TOM1L1: variants seen among roughly 807,000 people sequenced by gnomAD.
The protein encoded by TOM1L1 is TOM1-like protein 1.
A neutral mutation model predicts 63.4 loss-of-function variants in TOM1L1; 64 were observed. That is an observed-to-expected ratio of 1.01 (90% CI 0.83 to 1.24). The LOEUF (loss-of-function observed/expected upper bound fraction) is 1.24, where lower values mean the gene tolerates loss of function less well. Ranked by LOEUF, TOM1L1 falls within the 50% of genes most tolerant of loss-of-function variation. The pLI, the probability that TOM1L1 is intolerant of heterozygous loss-of-function variation, is 0.00. For synonymous variants in TOM1L1, 166 were observed against 194.4 expected, an observed-to-expected ratio of 0.85 and a Z score of 1.22; for missense variants, 536 against 567.0, an observed-to-expected ratio of 0.95 and a Z score of 0.55.
chr17:54,937,411 G>A, intron 10 of TOM1L1, 185 bp downstream of exon 10: 1 of 573,876 alleles, frequency 1.7e-6, no homozygotes, highest in Non-Finnish European at 3.1e-6. Context: ...GCAATGGGAT[G>A]TGTCTGGGCG....
intron 7 of TOM1L1, among the ~76,000 whole-genome samples, chr17:54,919,978 T>TTTTA (rs1338300753): frequency 7.4e-4 from 108 of 145,450 alleles, no homozygotes; most frequent in African/African-American, 2.1e-3. Flanking sequence ...GGTTTTGGTT[T>TTTTA]TTTATTGATT....
chr17:54,923,586 C>T (rs894608386), intron 7 of TOM1L1, among the ~76,000 whole-genome samples: 1 of 151,764 alleles, frequency 6.6e-6, no homozygotes, highest in African/African-American at 2.4e-5. Flanking sequence ...TGCTCTGTCA[C>T]CCAGGCTGGA....
chr17:54,934,263 CT>C (rs1400283017), intron 8 of TOM1L1, among the ~76,000 whole-genome samples: 1 of 152,156 alleles, frequency 6.6e-6, no homozygotes, highest in Non-Finnish European at 1.5e-5. Context: ...AGCTTTTTAT[CT>C]TTGTAGCTAT....
chr17:54,901,056 TC>T, intron 1 of TOM1L1, 133 bp downstream of exon 1: 1 of 1,251,650 alleles, frequency 8.0e-7, no homozygotes, highest in Non-Finnish European at 1.1e-6. Context: ...CCCGCAACTT[TC>T]CCAAGGCACC....
rs2077118174 is a variant in TOM1L1, at chr17:54,961,287, A to C, written c.*54A>C. 1.9e-6 allele frequency: 3 copies of C among 1,551,532 alleles called. No homozygotes were observed. The highest frequency in any genetic ancestry group is 2.6e-6 in the Non-Finnish European group (3 of 1,146,890). On this transcript the variant is annotated 3_prime_UTR_variant, in exon 16 of 16. Coordinates refer to ENST00000575882, the MANE Select transcript of TOM1L1 (RefSeq NM_005486.3). ...ACATCAAAGGTGCCAACTCTCTAAA[A>C]CGTAGACTCTGTGCAGCTTTGAAGC...
chr17:54,946,067 C>G (rs890306463), intron 11 of TOM1L1, among the ~76,000 whole-genome samples: 2 of 152,114 alleles, frequency 1.3e-5, no homozygotes, highest in African/African-American at 4.8e-5. Context: ...TTTTAGCCTT[C>G]TTCTATGGGC....
In TOM1L1 at chr17:54,961,255, C is replaced by A; in HGVS notation, c.*22C>A. 1 of 1,549,498 alleles carries A rather than the reference C, an allele frequency of 6.5e-7. No individual in the cohort carries two copies. Among genetic ancestry groups the A allele is most frequent in the South Asian group, 1.2e-5 (1 of 84,020 alleles). ...TTTAGAAGAAAGTGGATGATCAGCTCACTACCACATCAAAGGTGCCAACTC... is the reference window on the plus strand; with the variant it reads ...TTTAGAAGAAAGTGGATGATCAGCTAACTACCACATCAAAGGTGCCAACTC... On this transcript the variant is annotated 3_prime_UTR_variant, in exon 16 of 16. Coordinates refer to ENST00000575882, the MANE Select transcript of TOM1L1 (RefSeq NM_005486.3).
chr17:54,944,116 T>C (rs2049078695), intron 11 of TOM1L1, among the ~76,000 whole-genome samples: 1 of 152,106 alleles, frequency 6.6e-6, no homozygotes, highest in African/African-American at 2.4e-5. Flanking sequence ...CAGATGATGC[T>C]GTAATTTTTG....
intron 8 of TOM1L1, among the ~76,000 whole-genome samples, chr17:54,931,068 T>G (rs1175862003): frequency 6.6e-6 from 1 of 151,810 alleles, no homozygotes; most frequent in Non-Finnish European, 1.5e-5. Context: ...AATGACATGT[T>G]AAGACACCCT....
chr17:54,954,213 T>C (rs1335909489), intron 14 of TOM1L1: 1 of 152,214 alleles, frequency 6.6e-6, no homozygotes, highest in East Asian at 1.9e-4. Flanking sequence ...GTGAGCAGGG[T>C]TGCTGTTACG....
In TOM1L1 at chr17:54,961,397, G is replaced by GATA. The variant is rs2077121753; in HGVS notation, c.*166_*168dup. On this transcript the variant is annotated 3_prime_UTR_variant, in exon 16 of 16. Coordinates refer to ENST00000575882, the MANE Select transcript of TOM1L1 (RefSeq NM_005486.3). ...AGATTAAATAGAATAACAGTTCCAG[G>GATA]ATAACACTGATTCCTGACAACAGCG... is the stretch of plus-strand genomic sequence containing the variant. 1 of 1,541,912 alleles carries GATA rather than the reference G, an allele frequency of 6.5e-7. No individual in the cohort carries two copies. The highest frequency in any genetic ancestry group is 8.8e-7 in the Non-Finnish European group (1 of 1,142,574).
At chr17:54,922,191 G>A (rs2048695172) in intron 7 of TOM1L1, among the ~76,000 whole-genome samples, 1 of 152,124 alleles carries the variant, frequency 6.6e-6, no homozygotes, top group Non-Finnish European at 1.5e-5. Flanking sequence ...TACTTGGGAG[G>A]CTGAGGCAGT....
At chr17:54,901,846 C>T (rs925494084) in intron 1 of TOM1L1, among the ~76,000 whole-genome samples, 1 of 152,050 alleles carries the variant, frequency 6.6e-6, no homozygotes, top group African/African-American at 2.4e-5. Flanking sequence ...TTTACACATC[C>T]TTATAAGATG....
intron 7 of TOM1L1, among the ~76,000 whole-genome samples, chr17:54,929,570 C>T (rs2048822413): frequency 6.6e-6 from 1 of 152,118 alleles, no homozygotes; most frequent in South Asian, 2.1e-4. Context: ...TGTATTTTAA[C>T]TACTTCTGCT....
At position 54,950,132 on chromosome 17, in the gene TOM1L1, T is replaced by A. The variant is rs1219081819; in HGVS notation, c.1370+6T>A. 6.2e-7 allele frequency: 1 copy of A among 1,603,020 alleles called. No homozygotes were observed. Among genetic ancestry groups the A allele is most frequent in the Non-Finnish European group, 8.5e-7 (1 of 1,171,088 alleles). Reference sequence around the variant, plus strand: ...GCTCCTGCTGTCACTACAGAGTAAGTCATTTACAAAATGATTAATTTATTT... The same window carrying A: ...GCTCCTGCTGTCACTACAGAGTAAGACATTTACAAAATGATTAATTTATTT... On this transcript the variant is annotated splice_donor_region_variant and intron_variant, in intron 14 of 15. Coordinates refer to ENST00000575882, the MANE Select transcript of TOM1L1 (RefSeq NM_005486.3).
chr17:54,947,419 A>G, intron 12 of TOM1L1, 107 bp downstream of exon 12: 1 of 1,262,978 alleles, frequency 7.9e-7, no homozygotes, highest in Non-Finnish European at 1.1e-6. Flanking sequence ...TATTGTGTTG[A>G]TGCGCAGCCC....
intron 7 of TOM1L1, 76 bp from the exon 8 acceptor site, chr17:54,929,997 C>T (rs541244182): frequency 3.3e-5 from 52 of 1,584,296 alleles, no homozygotes; most frequent in Non-Finnish European, 4.1e-5. Context: ...TGTAGGTATG[C>T]GCAGATTGGT....
chr17:54,908,544 G>T (rs1006121441), intron 3 of TOM1L1, among the ~76,000 whole-genome samples: 4 of 152,126 alleles, frequency 2.6e-5, no homozygotes, highest in Non-Finnish European at 5.9e-5. Flanking sequence ...AGTGATGAGA[G>T]CCTGTCAAAT....
intron 14 of TOM1L1, chr17:54,953,669 T>A (rs2049347108): frequency 6.6e-6 from 1 of 152,370 alleles, no homozygotes; most frequent in Non-Finnish European, 1.5e-5. Flanking sequence ...ACCCATGCCA[T>A]CTTCTTCCTG....
Sources: gnomAD v4.1 joint callset for allele counts (sites outside exome capture counted in the v4.1 genomes callset) on GRCh38, gnomAD v4.1.1 for gene constraint, MANE v1.5 for transcripts, NCBI Gene and HGNC (gene_info 2026-07-23, HGNC 2026-07-21) for gene names.